Variants in HS6ST1 observed in about 807,000 individuals in gnomAD.
The protein encoded by HS6ST1 is heparan-sulfate 6-O-sulfotransferase 1.
A neutral mutation model predicts 25.2 loss-of-function variants in HS6ST1; 3 were observed. The observed-to-expected ratio is 0.12, with a 90% CI of 0.05 to 0.31. The LOEUF (loss-of-function observed/expected upper bound fraction) is 0.31, where lower values mean the gene tolerates loss of function less well. HS6ST1 is among the 10% of genes least tolerant of loss of function. HS6ST1 has a pLI of 1.00. For missense variants in HS6ST1, 310 were observed against 609.6 expected (o/e 0.51, Z 5.18); for synonymous variants, 204 against 275.1 (o/e 0.74, Z 2.56).
At chr2:128,313,349 AGCGGT>A (rs368535170) in intron 1 of HS6ST1, among the ~76,000 whole-genome samples, 26 of 152,300 alleles carry the variant, frequency 1.7e-4, no homozygotes, top group African/African-American at 6.0e-4. Context: ...ACTGCCAACC[AGCGGT>A]GGCACACTCA....
chr2:128,273,712 C>T (rs1180352637), intron 1 of HS6ST1, among the ~76,000 whole-genome samples: 1 of 152,284 alleles, frequency 6.6e-6, no homozygotes, highest in Non-Finnish European at 1.5e-5. Context: ...CTCCTGTGCT[C>T]CGTCCTCTTT....
chr2:128,288,827 C>T lies in HS6ST1; in HGVS notation c.528-19957G>A, dbSNP rs1307517829. Among the ~76,000 whole-genome samples, 15 of 152,066 alleles carry T rather than the reference C, an allele frequency of 9.9e-5. No homozygotes were observed. In the South Asian group the frequency reaches 1.0e-3, roughly 11 times the overall value. ...ATCATCACCAGTAATCAGCCTTTCT[C>T]GGGGTCAGGAGGGCGAGAGCTCATC... On this transcript the variant is annotated intron_variant, in intron 1 of 1. Transcript: ENST00000259241.
chr2:128,270,968 CGCCCCAGCCCACAGGCGGGTCCTTCA>C (rs1558867553), intron 1 of HS6ST1, among the ~76,000 whole-genome samples: 2 of 152,216 alleles, frequency 1.3e-5, no homozygotes, highest in African/African-American at 4.8e-5. Context: ...CCATTTTCAG[CGCCCCAGCCCACAGGCGGGTCCTTCA>C]GCCCCAGCCC....
chr2:128,294,671 C>CGTGT (rs56059401), intron 1 of HS6ST1, among the ~76,000 whole-genome samples: 2,247 of 136,112 alleles, frequency 0.017, 24 homozygotes, highest in Non-Finnish European at 0.023. Flanking sequence ...AGAAGGGAGG[C>CGTGT]GTGTGTGTGT....
intron 1 of HS6ST1, among the ~76,000 whole-genome samples, chr2:128,287,720 G>C (rs1313596210): frequency 4.6e-5 from 7 of 152,200 alleles, no homozygotes; most frequent in Non-Finnish European, 1.0e-4. Context: ...TGAGCAGCCC[G>C]GGCCCAGATG....
chr2:128,314,315 A>G (rs945599764), intron 1 of HS6ST1, among the ~76,000 whole-genome samples: 1 of 152,156 alleles, frequency 6.6e-6, no homozygotes, highest in Non-Finnish European at 1.5e-5. Flanking sequence ...CGTGAACCTG[A>G]GTCACAGGGA....
At chr2:128,285,003 G>GT (rs1490936910) in intron 1 of HS6ST1, among the ~76,000 whole-genome samples, 1 of 152,140 alleles carries the variant, frequency 6.6e-6, no homozygotes, top group African/African-American at 2.4e-5. Flanking sequence ...GGCAGGCCTG[G>GT]TGCCCGGGCC....
At chr2:128,277,071 C>T (rs533254647) in intron 1 of HS6ST1, among the ~76,000 whole-genome samples, 1 of 152,278 alleles carries the variant, frequency 6.6e-6, no homozygotes, top group South Asian at 2.1e-4. Context: ...ACAGGTCCTG[C>T]CCGGCCCAAG....
At chr2:128,316,411 T>C (rs1282220828) in intron 1 of HS6ST1, among the ~76,000 whole-genome samples, 1 of 152,216 alleles carries the variant, frequency 6.6e-6, no homozygotes, top group African/African-American at 2.4e-5. Flanking sequence ...AGGCGTCTGT[T>C]GGTATTGGTC....
intron 1 of HS6ST1, among the ~76,000 whole-genome samples, chr2:128,279,502 G>C (rs13415049): frequency 0.18 from 26,730 of 152,034 alleles, 2,556 homozygotes; most frequent in Non-Finnish European, 0.2. Flanking sequence ...AGGACATGGC[G>C]TGGTGAGGAA....
At chr2:128,281,405 G>C (rs1242022654) in intron 1 of HS6ST1, among the ~76,000 whole-genome samples, 1 of 152,216 alleles carries the variant, frequency 6.6e-6, no homozygotes, top group East Asian at 1.9e-4. Flanking sequence ...CCCTGAGGAG[G>C]AAGACGCCCA....
At chr2:128,312,864 A>G (rs987240622) in intron 1 of HS6ST1, among the ~76,000 whole-genome samples, 4 of 152,202 alleles carry the variant, frequency 2.6e-5, no homozygotes, top group African/African-American at 9.7e-5. Context: ...GTTCGAGACT[A>G]GCCTGGCCAA....
intron 1 of HS6ST1, among the ~76,000 whole-genome samples, chr2:128,310,529 T>A (rs1285076484): frequency 6.6e-6 from 1 of 152,160 alleles, no homozygotes; most frequent in African/African-American, 2.4e-5. Context: ...GAGCAACTGG[T>A]GGCATGGAGG....
chr2:128,269,731 G>T (rs1265775823), intron 1 of HS6ST1, among the ~76,000 whole-genome samples: 1 of 152,190 alleles, frequency 6.6e-6, no homozygotes, highest in African/African-American at 2.4e-5. Flanking sequence ...TGGGCTTCAG[G>T]CCAAGTAGAA....
chr2:128,290,592 C>G (rs1005302368), intron 1 of HS6ST1, among the ~76,000 whole-genome samples: 1 of 152,146 alleles, frequency 6.6e-6, no homozygotes, highest in African/African-American at 2.4e-5. Flanking sequence ...ATCACAGCAA[C>G]AGACTACAGA....
intron 1 of HS6ST1, among the ~76,000 whole-genome samples, chr2:128,296,215 G>A (rs776456096): frequency 6.6e-6 from 1 of 152,204 alleles, no homozygotes; most frequent in Admixed American, 6.5e-5. Context: ...AATAGAGGCT[G>A]AGCTAAGACA....
At chr2:128,306,838 G>A (rs1467156567) in intron 1 of HS6ST1, among the ~76,000 whole-genome samples, 1 of 152,196 alleles carries the variant, frequency 6.6e-6, no homozygotes, top group Non-Finnish European at 1.5e-5. Context: ...GCAGCAGACG[G>A]TGCCCAAGGG....
intron 1 of HS6ST1, among the ~76,000 whole-genome samples, chr2:128,280,077 A>G (rs1254030725): frequency 2.0e-5 from 3 of 152,224 alleles, no homozygotes; most frequent in African/African-American, 7.2e-5. Context: ...AGCTCACGGC[A>G]TAACACACCA....
At chr2:128,286,262 G>T (rs1474071127) in intron 1 of HS6ST1, among the ~76,000 whole-genome samples, 1 of 152,254 alleles carries the variant, frequency 6.6e-6, no homozygotes, top group Non-Finnish European at 1.5e-5. Flanking sequence ...CTCCCTCCCA[G>T]GGGGAATCTA....
Sources: allele counts gnomAD v4.1 joint callset (sites outside exome capture counted in the v4.1 genomes callset), GRCh38; gene constraint gnomAD v4.1.1; transcripts MANE v1.5; gene names NCBI Gene and HGNC (gene_info 2026-07-23, HGNC 2026-07-21).